Variants in PATZ1 observed in about 807,000 individuals in gnomAD.
The protein encoded by PATZ1 is POZ/BTB and AT hook containing zinc finger 1, also known as POZ-, AT hook-, and zinc finger-containing protein 1.
Under a neutral mutation model 46.2 loss-of-function variants are expected in PATZ1, and 9 were observed. The observed-to-expected ratio is 0.19, with a 90% CI of 0.12 to 0.34. PATZ1 has a LOEUF of 0.34. PATZ1 is among the 10% of genes least tolerant of loss of function. The probability of loss-of-function intolerance (pLI) is 1.00; values close to 1 mark genes in which losing one functional copy is unlikely to be tolerated. For missense variants in PATZ1, 632 were observed against 923.0 expected (o/e 0.68, Z 4.08); for synonymous variants, 426 against 378.6 (o/e 1.13, Z -1.45).
intron 3 of PATZ1, 158 bp downstream of exon 3, chr22:31,335,534 A>G (rs2049498434): frequency 1.5e-6 from 1 of 653,220 alleles, no homozygotes; most frequent in Non-Finnish European, 2.6e-6. Context: ...GAGGTAGCAA[A>G]TAGCTAGTTG....
At chr22:31,330,743 CCT>C (rs910854880) in intron 3 of PATZ1, among the ~76,000 whole-genome samples, 42 of 152,226 alleles carry the variant, frequency 2.8e-4, no homozygotes, top group African/African-American at 1.0e-3. Context: ...AAGTTTGTAA[CCT>C]CCAGCATAAA....
At chr22:31,340,584 G>T in intron 2 of PATZ1, 1 of 632,804 alleles carries the variant, frequency 1.6e-6, no homozygotes, top group Non-Finnish European at 2.0e-6. Flanking sequence ...AGTGTATGTT[G>T]GGAGGGGCAG....
Position 31,346,138 on chromosome 22 carries a change from G to A in PATZ1, c.-536C>T, listed in dbSNP as rs1158110232. The stretch of plus-strand genomic sequence containing the variant: ...GGAGCGGAGGAAACAAAAGGCGAAG[G>A]CGAAGGCGGCGGCGGCGGGGCGCGC... On this transcript the variant is annotated 5_prime_UTR_variant, in exon 1 of 5. Transcript: ENST00000266269. 6.7e-6 allele frequency: 1 copy of A among 148,738 alleles called. No individual in the cohort carries two copies. The highest frequency in any genetic ancestry group is 1.5e-5 in the Non-Finnish European group (1 of 66,572). 9.2% of individuals were successfully genotyped at this position (148,738 alleles called of 1,614,324 possible). A position where few individuals can be genotyped will look rare whatever the true frequency, so the allele number is the denominator to read the frequency against.
At position 31,340,803 on chromosome 22, in the gene PATZ1, T is replaced by C. The variant is rs970235794; in HGVS notation, c.1335+2094A>G. 11 of 1,058,712 alleles carry C rather than the reference T, an allele frequency of 1.0e-5. No homozygotes were observed. In the African/African-American group the frequency reaches 1.8e-4, roughly 17 times the overall value. The allele number at this position is 1,058,712 out of a possible 1,614,324, so 65.6% of individuals were successfully genotyped here. A position where few individuals can be genotyped will look rare whatever the true frequency, so the allele number is the denominator to read the frequency against. On this transcript the variant is annotated intron_variant, in intron 2 of 4. Coordinates refer to ENST00000266269, the MANE Select transcript of PATZ1 (RefSeq NM_014323.3). ...TGCTTTTTCAGCCCCCAAAGCCATA[T>C]ATTGGGGTGGCCCAATATAAAGCTA...
chr22:31,339,826 TG>T (rs2049557825), intron 2 of PATZ1, among the ~76,000 whole-genome samples: 1 of 152,090 alleles, frequency 6.6e-6, no homozygotes, highest in African/African-American at 2.4e-5. Context: ...TTGAGCAGCT[TG>T]GGAATGGGGC....
intron 2 of PATZ1, chr22:31,341,350 G>A: frequency 6.6e-7 from 1 of 1,506,128 alleles, no homozygotes. Flanking sequence ...GGGGTCTCAG[G>A]CCAAATGCCC....
chr22:31,342,532 T>C (rs1260286613), intron 2 of PATZ1, among the ~76,000 whole-genome samples: 2 of 152,008 alleles, frequency 1.3e-5, no homozygotes, highest in Admixed American at 1.3e-4. Flanking sequence ...TACAAACTGC[T>C]GGAAACCAAC....
intron 3 of PATZ1, 53 bp downstream of exon 3, chr22:31,335,639 C>T (rs1315627359): frequency 6.4e-7 from 1 of 1,558,262 alleles, no homozygotes; most frequent in Non-Finnish European, 8.8e-7. Context: ...CCTAGGCCTC[C>T]CATACACGCT....
chr22:31,336,028 G>C (rs2049504788), intron 2 of PATZ1, among the ~76,000 whole-genome samples, 165 bp from the exon 3 acceptor site: 1 of 152,178 alleles, frequency 6.6e-6, no homozygotes, highest in Non-Finnish European at 1.5e-5. Context: ...AATGCCAAGA[G>C]GCTGCTCTTA....
At chr22:31,334,185 T>C (rs1306950071) in intron 3 of PATZ1, among the ~76,000 whole-genome samples, 4 of 152,172 alleles carry the variant, frequency 2.6e-5, no homozygotes, top group Middle Eastern at 3.2e-3. Flanking sequence ...AGAAACGACA[T>C]TATTTCTAGG....
In PATZ1 at chr22:31,345,317, C is replaced by G. The variant is rs1235054261; in HGVS notation, c.286G>C (p.Gly96Arg). The change falls in exon 1 of 5, where the codon GGC becomes CGC. Residue 96 changes from glycine to arginine, a missense_variant. By Grantham distance (125) the Gly-to-Arg change is moderately radical (BLOSUM62 -2). This residue lies in a region of PATZ1 where 62 missense variants were observed against 67.9 expected (regional missense o/e 0.91). Coordinates refer to ENST00000266269, the MANE Select transcript of PATZ1 (RefSeq NM_014323.3). The surrounding 1 kb of genome is among the most constrained non-coding windows in gnomAD (Gnocchi z 7.4). ...AGCTCCCGGCTGCCCCCGGCCCCGCCGCCTGGTGCTGCCGTCGCGCCCCCT... is the reference window on the plus strand; with the variant it reads ...AGCTCCCGGCTGCCCCCGGCCCCGCGGCCTGGTGCTGCCGTCGCGCCCCCT... ...DVGGATAAPG[G>R]GAGGSRELEM... 2 of 1,610,630 alleles carry G rather than the reference C, an allele frequency of 1.2e-6. No individual in the cohort carries two copies. The highest frequency in any genetic ancestry group is 1.7e-5 in the Admixed American group (1 of 59,852).
intron 1 of PATZ1, chr22:31,343,235 A>G (rs1184724123): frequency 1.0e-5 from 12 of 1,201,380 alleles, no homozygotes; most frequent in Non-Finnish European, 1.1e-5. Context: ...CCAGAAACTC[A>G]GTGTTTTCTA....
chr22:31,340,596 G>T, intron 2 of PATZ1: 3 of 763,750 alleles, frequency 3.9e-6, no homozygotes, highest in Non-Finnish European at 4.8e-6. Context: ...GAGGGGCAGG[G>T]CAGGAGCGCA....
In PATZ1 at chr22:31,346,236, C is replaced by T; in HGVS notation, c.-634G>A. On this transcript the variant is annotated 5_prime_UTR_variant, in exon 1 of 5. Transcript: ENST00000266269. ...CGGCGGCGGCGGCGGCTGGAGCGGG[C>T]GGGCGGCGGCGGCGGCAGAGTAGGC... is the stretch of plus-strand genomic sequence containing the variant. 1 of 153,924 alleles carries T rather than the reference C, an allele frequency of 6.5e-6. No homozygotes were observed. The highest frequency in any genetic ancestry group is 6.7e-5 in the Admixed American group (1 of 14,906). 9.5% of individuals were successfully genotyped at this position (153,924 alleles called of 1,614,324 possible).
At chr22:31,331,410 G>A (rs1157915184) in intron 3 of PATZ1, among the ~76,000 whole-genome samples, 1 of 151,222 alleles carries the variant, frequency 6.6e-6, no homozygotes, top group Non-Finnish European at 1.5e-5. Flanking sequence ...CACCATCTCG[G>A]CTCACTGCAA....
chr22:31,335,551 G>C, intron 3 of PATZ1, 141 bp downstream of exon 3: 1 of 748,622 alleles, frequency 1.3e-6, no homozygotes, highest in Non-Finnish European at 2.2e-6. Flanking sequence ...GTTGGGTGAT[G>C]AAGGTGTTTA....
intron 2 of PATZ1, chr22:31,341,141 G>C: frequency 8.4e-7 from 1 of 1,186,382 alleles, no homozygotes; most frequent in African/African-American, 1.6e-5. Context: ...GGCAAGGACA[G>C]ATGCCCAGGG....
At chr22:31,343,171 G>C in intron 1 of PATZ1, 4 of 1,304,792 alleles carry the variant, frequency 3.1e-6, no homozygotes, top group Non-Finnish European at 3.9e-6. Context: ...GAGGGGGGAA[G>C]AGAAATGGGC....
rs1354667247 is a variant in PATZ1 at position 31,343,040 on chromosome 22, A to G, written c.1272-80T>C. ...CAGGCACATATGCATACGTGTGTAC[A>G]CACACACACACACTCACTGCTGGAA... On this transcript the variant is annotated intron_variant, in intron 1 of 4. Coordinates refer to ENST00000266269, the MANE Select transcript of PATZ1 (RefSeq NM_014323.3). 3 of 1,551,278 alleles carry G rather than the reference A, an allele frequency of 1.9e-6. No homozygotes were observed. The East Asian group carries it at 7.0e-5, about 36-fold the overall frequency.
Sources: allele counts gnomAD v4.1 joint callset (sites outside exome capture counted in the v4.1 genomes callset), GRCh38; gene constraint gnomAD v4.1.1; regional missense constraint gnomAD v4.1.1; non-coding constraint Gnocchi (gnomAD v3.1); transcripts MANE v1.5; gene names NCBI Gene and HGNC (gene_info 2026-07-23, HGNC 2026-07-21).